The following PCDH15 variants were observed in gnomAD, a reference collection of about 807,000 sequenced individuals.
PCDH15 encodes the protein protocadherin-15.
PCDH15 carries 129 observed loss-of-function variants against 178.5 expected under a neutral mutation model. The observed-to-expected ratio is 0.72, with a 90% confidence interval of 0.63 to 0.84. PCDH15 has a LOEUF of 0.84. Among genes scored for constraint, PCDH15 ranks in the 40% least tolerant of loss-of-function variants. PCDH15 has a pLI of 0.00. For synonymous variants in PCDH15, 800 were observed against 732.0 expected, an observed-to-expected ratio of 1.09 and a Z score of -1.50; for missense variants, 2,230 against 2,099.9, an observed-to-expected ratio of 1.06 and a Z score of -1.21.
chr10:54,726,804 C>A, intron 1 of PCDH15, among the ~76,000 whole-genome samples: 1 of 150,044 alleles, frequency 6.7e-6, no homozygotes, highest in Admixed American at 6.7e-5. Flanking sequence ...AAGAAAATCT[C>A]AGAGCTCTAA....
At chr10:54,476,035 T>C (rs569372999) in intron 3 of PCDH15, among the ~76,000 whole-genome samples, 157 of 146,950 alleles carry the variant, frequency 1.1e-3, no homozygotes, top group African/African-American at 3.7e-3. Context: ...TACATATATA[T>C]ATATATATGC....
At chr10:54,875,497 A>G (rs920643526) in intron 3 of PCDH15, among the ~76,000 whole-genome samples, 1 of 152,174 alleles carries the variant, frequency 6.6e-6, no homozygotes, top group South Asian at 2.1e-4. Context: ...AAATAGGACA[A>G]AATCTAGGTC....
intron 2 of PCDH15, among the ~76,000 whole-genome samples, chr10:54,627,792 G>A (rs1462312144): frequency 6.6e-6 from 1 of 152,178 alleles, no homozygotes; most frequent in Non-Finnish European, 1.5e-5. Context: ...ATTTGTTCAA[G>A]TCTCTTAGTG....
At chr10:54,167,794 G>T (rs12781128) in intron 13 of PCDH15, among the ~76,000 whole-genome samples, 3,815 of 21,562 alleles carry the variant, frequency 0.18, 89 homozygotes, top group African/African-American at 0.35. Context: ...CCCCAACCTC[G>T]TATCTCTGTG....
chr10:53,867,369 C>T (rs1304791052), intron 26 of PCDH15, among the ~76,000 whole-genome samples: 2 of 151,962 alleles, frequency 1.3e-5, no homozygotes, highest in Admixed American at 1.3e-4. Context: ...TTCCAAATAG[C>T]TAGAAGAAGG....
intron 1 of PCDH15, among the ~76,000 whole-genome samples, chr10:54,796,592 T>C (rs1394931730): frequency 6.6e-6 from 1 of 151,914 alleles, no homozygotes; most frequent in African/African-American, 2.4e-5. Flanking sequence ...TCTCTCTCTT[T>C]CTGTTCTTTT....
chr10:54,820,271 C>T (rs1255546547), intron 3 of PCDH15, among the ~76,000 whole-genome samples: 1 of 151,866 alleles, frequency 6.6e-6, no homozygotes, highest in Non-Finnish European at 1.5e-5. Context: ...TTCTTCCAGT[C>T]GCTATGTTCT....
At position 55,360,126 on chromosome 10, in the gene PCDH15, A is replaced by AT. The variant is rs1360456723; in HGVS notation, c.-155-193476dup. Reference sequence around the variant, plus strand: ...TTGAAACTTTCAATGGAGCTTTTAAATGTTCTCACCACAAAAACTGCTAAG... The same window carrying AT: ...TTGAAACTTTCAATGGAGCTTTTAAATTGTTCTCACCACAAAAACTGCTAAG... On this transcript the variant is annotated intron_variant, in intron 2 of 5. Coordinates refer to the PCDH15 transcript ENST00000613346. Among the ~76,000 whole-genome samples the AT allele has an allele frequency of 3.3e-5, 5 of 151,978 alleles. No individual in the cohort carries two copies. The East Asian group carries it at 9.6e-4, about 29-fold the overall frequency.
chr10:55,442,734 T>G (rs956552852), intron 2 of PCDH15, among the ~76,000 whole-genome samples: 1 of 151,814 alleles, frequency 6.6e-6, no homozygotes, highest in Non-Finnish European at 1.5e-5. Flanking sequence ...TAAACTAGAT[T>G]GTGAATGCAC....
chr10:55,417,396 C>T (rs2132041184), intron 2 of PCDH15, among the ~76,000 whole-genome samples: 1 of 151,446 alleles, frequency 6.6e-6, no homozygotes, highest in African/African-American at 2.4e-5. Flanking sequence ...GCTTAGGACT[C>T]AAAAGCATCT....
At chr10:55,281,430 T>C (rs1192784059) in intron 1 of PCDH15, among the ~76,000 whole-genome samples, 3 of 151,460 alleles carry the variant, frequency 2.0e-5, no homozygotes, top group Non-Finnish European at 4.4e-5. Context: ...ATTTTTTTTT[T>C]CTTTTTCTTT....
chr10:53,822,030 A>C (rs1476941186), intron 32 of PCDH15: 1 of 1,613,970 alleles, frequency 6.2e-7, no homozygotes, highest in South Asian at 1.1e-5. Flanking sequence ...TTGACTGTAC[A>C]TGTTAGCTAC....
chr10:54,004,022 A>T (rs1022668793), intron 20 of PCDH15, among the ~76,000 whole-genome samples: 1 of 152,180 alleles, frequency 6.6e-6, no homozygotes, highest in African/African-American at 2.4e-5. Context: ...CATCAACAGA[A>T]TGAAAGAGAA....
intron 2 of PCDH15, among the ~76,000 whole-genome samples, chr10:54,561,576 T>C (rs993807598): frequency 1.3e-5 from 2 of 152,102 alleles, no homozygotes; most frequent in African/African-American, 4.8e-5. Context: ...GGTGATAACT[T>C]AGATGAAAGG....
rs906310611 is a variant in PCDH15, at chr10:54,674,450, C to A, written c.-28-10160G>T. Among the ~76,000 whole-genome samples the A allele has an allele frequency of 9.9e-5, 15 of 152,020 alleles. 1 individual carries two copies. On this transcript the variant is annotated intron_variant, in intron 1 of 37. Transcript: ENST00000644397. ...TAGTCTAGAACGTTTGCAGAAATAT[C>A]ATCTCAAAAACAGTAACTCAAAGTC...
chr10:55,051,075 C>T (rs760169014), intron 2 of PCDH15, among the ~76,000 whole-genome samples: 1 of 152,088 alleles, frequency 6.6e-6, no homozygotes, highest in Non-Finnish European at 1.5e-5. Context: ...ATACATCTTA[C>T]TTTGCTTGAA....
chr10:54,059,314 G>A (rs2093965549), intron 18 of PCDH15, among the ~76,000 whole-genome samples: 1 of 151,820 alleles, frequency 6.6e-6, no homozygotes, highest in East Asian at 1.9e-4. Context: ...ACTAGTTTAG[G>A]CTAAATTGGG....
intron 1 of PCDH15, among the ~76,000 whole-genome samples, chr10:54,774,356 T>A (rs1160662554): frequency 2.6e-5 from 4 of 152,040 alleles, no homozygotes; most frequent in African/African-American, 9.7e-5. Context: ...TAATTTACTG[T>A]AATACTCATT....
chr10:54,276,322 A>G (rs2058350656), intron 8 of PCDH15, among the ~76,000 whole-genome samples: 2 of 151,796 alleles, frequency 1.3e-5, no homozygotes, highest in African/African-American at 4.8e-5. Context: ...ACCCTATAGA[A>G]AAATGGGAAA....
Sources: allele counts gnomAD v4.1 joint callset (sites outside exome capture counted in the v4.1 genomes callset), GRCh38; gene constraint gnomAD v4.1.1; transcripts MANE v1.5; gene names NCBI Gene and HGNC (gene_info 2026-07-23, HGNC 2026-07-21).